Variants in ZNF718 observed in about 807,000 individuals in gnomAD.
The protein encoded by ZNF718 is zinc finger protein 718.
Under a neutral mutation model 2.6 loss-of-function variants are expected in ZNF718, and 3 were observed. The ratio of observed to expected loss-of-function variants is 1.16; its 90% CI spans 0.53 to 3.01. The LOEUF (loss-of-function observed/expected upper bound fraction) is 3.01, where lower values mean the gene tolerates loss of function less well. Ranked by LOEUF, ZNF718 falls within the 30% of genes most tolerant of loss-of-function variation. ZNF718 has a pLI of 0.03. For synonymous variants in ZNF718, 135 were observed against 77.9 expected, an observed-to-expected ratio of 1.73 and a Z score of -3.86; for missense variants, 468 against 230.0, an observed-to-expected ratio of 2.03 and a Z score of -6.69.
chr4:136,299 G>T, intron 3 of ZNF718: 1 of 500,658 alleles, frequency 2.0e-6, no homozygotes, highest in East Asian at 5.5e-5. Flanking sequence ...CTGTGGCTGT[G>T]AGGGCTAGAA....
chr4:133,177 TAAAAAAAAA>T (rs1189716766), intron 3 of ZNF718, among the ~76,000 whole-genome samples: 2 of 12,536 alleles, frequency 1.6e-4, no homozygotes, highest in African/African-American at 5.6e-4. Context: ...GACTCCATCT[TAAAAAAAAA>T]AAAAAAAAAA....
At chr4:172,244 C>T (rs1260662023) in intron 3 of ZNF718, among the ~76,000 whole-genome samples, 2 of 152,162 alleles carry the variant, frequency 1.3e-5, no homozygotes, top group African/African-American at 4.8e-5. Flanking sequence ...TGGCTTATTT[C>T]ACTTGGCATA....
downstream of ZNF718, among the ~76,000 whole-genome samples, chr4:165,030 A>G (rs1717056603): frequency 6.6e-6 from 1 of 152,204 alleles, no homozygotes; most frequent in African/African-American, 2.4e-5. Flanking sequence ...TTCTGAATTT[A>G]AAGAAGATTT....
intron 3 of ZNF718, among the ~76,000 whole-genome samples, chr4:148,317 C>G (rs1192009847): frequency 2.6e-5 from 4 of 152,002 alleles, no homozygotes; most frequent in African/African-American, 9.7e-5. Flanking sequence ...ACATCAAAAT[C>G]CACCATCAGG....
intron 3 of ZNF718, among the ~76,000 whole-genome samples, chr4:141,563 A>G (rs1553810245): frequency 6.6e-6 from 1 of 152,218 alleles, no homozygotes; most frequent in Non-Finnish European, 1.5e-5. Flanking sequence ...GAAAACATTC[A>G]GAAAGGAGGT....
chr4:135,732 T>TTATATATATATA lies in ZNF718; in HGVS notation c.226+4236_226+4237insATATATATATAT, dbSNP rs1303050207. Among the ~76,000 whole-genome samples, 740 of 77,616 alleles carry TTATATATATATA rather than the reference T, an allele frequency of 9.5e-3. 59 individuals carry two copies. Among genetic ancestry groups the TTATATATATATA allele is most frequent in the Non-Finnish European group, 0.015 (587 of 38,406 alleles). 50.9% of individuals were successfully genotyped at this position (77,616 alleles called of 152,430 possible). A position where few individuals can be genotyped will look rare whatever the true frequency, so the allele number is the denominator to read the frequency against. ...GAGTTTTTGTTCATTTACTCTAGAG[T>TTATATATATATA]TATATATATGTGCATGATTATATAA... is the stretch of plus-strand genomic sequence containing the variant. On this transcript the variant is annotated intron_variant, in intron 3 of 3. Transcript: ENST00000510175.
chr4:188,693 C>A (rs1293444372), intron 3 of ZNF718, among the ~76,000 whole-genome samples: 1 of 152,140 alleles, frequency 6.6e-6, no homozygotes, highest in Non-Finnish European at 1.5e-5. Flanking sequence ...GGCCCAAGGC[C>A]CTGGTCAAGT....
chr4:139,424 CAT>C (rs1331679217), intron 3 of ZNF718, among the ~76,000 whole-genome samples: 4 of 152,156 alleles, frequency 2.6e-5, no homozygotes, highest in Non-Finnish European at 4.4e-5. Flanking sequence ...AGGCAGAAAA[CAT>C]AAGACCACTT....
At chr4:151,958 G>C (rs1164339823) in intron 3 of ZNF718, among the ~76,000 whole-genome samples, 1 of 150,190 alleles carries the variant, frequency 6.7e-6, no homozygotes, top group Middle Eastern at 3.4e-3. Flanking sequence ...GATGTGTCAG[G>C]GTCACAAGAC....
chr4:163,562 A>G lies in ZNF718; in HGVS notation c.*1440A>G, dbSNP rs1158491188. The G allele has an allele frequency of 6.6e-6, 1 of 152,196 alleles. No homozygotes were observed. Among genetic ancestry groups the G allele is most frequent in the Non-Finnish European group, 1.5e-5 (1 of 68,046 alleles). 9.4% of individuals were successfully genotyped at this position (152,196 alleles called of 1,614,324 possible). A position where few individuals can be genotyped will look rare whatever the true frequency, so the allele number is the denominator to read the frequency against. On this transcript the variant is annotated 3_prime_UTR_variant, in exon 4 of 4. Transcript: ENST00000510175. ...TGGTTGACTTATCATTGCATGATGC[A>G]TGACGTACATGTTCAGAGTAATATT...
At chr4:153,033 A>ATTTCTC (rs1716400743) in intron 3 of ZNF718, among the ~76,000 whole-genome samples, 1 of 151,676 alleles carries the variant, frequency 6.6e-6, no homozygotes, top group Admixed American at 6.6e-5. Context: ...AAATAGCTTT[A>ATTTCTC]TATGTTTGGG....
chr4:146,215 TA>T (rs1294281335), intron 3 of ZNF718, among the ~76,000 whole-genome samples: 2 of 152,026 alleles, frequency 1.3e-5, no homozygotes, highest in Non-Finnish European at 2.9e-5. Context: ...CTAGTGATTA[TA>T]AATTCCCTCA....
chr4:161,897 T>C lies in ZNF718; in HGVS notation c.1212T>C (p.Phe404=). 1.3e-6 allele frequency: 1 copy of C among 780,252 alleles called. No individual in the cohort carries two copies. Among genetic ancestry groups the C allele is most frequent in the Non-Finnish European group, 2.4e-6 (1 of 417,712 alleles). 48.3% of individuals were successfully genotyped at this position (780,252 alleles called of 1,614,324 possible). A position where few individuals can be genotyped will look rare whatever the true frequency, so the allele number is the denominator to read the frequency against. ...AATGTGAAGATTGTGGCAAAGCCTT[T>C]AAAGTGTTTGCAAACCTGCATAATC... The part of the protein sequence containing the change: ...PYKCEDCGKA[F]KVFANLHNHK... The change falls in exon 4 of 4, where the codon TTT becomes TTC. Residue 404 remains phenylalanine, a synonymous_variant. Transcript: ENST00000510175.
At chr4:180,587 C>T (rs1411821614) in intron 3 of ZNF718, among the ~76,000 whole-genome samples, 1 of 152,186 alleles carries the variant, frequency 6.6e-6, no homozygotes, top group Non-Finnish European at 1.5e-5. Context: ...GGTATTCATT[C>T]ATTTACCAAG....
At chr4:199,415 A>T (rs1717855780) in intron 3 of ZNF718, among the ~76,000 whole-genome samples, 1 of 152,116 alleles carries the variant, frequency 6.6e-6, no homozygotes, top group African/African-American at 2.4e-5. Context: ...TGCCTTCCTA[A>T]GAATGGTATT....
chr4:194,648 C>T (rs1489700163), intron 3 of ZNF718, among the ~76,000 whole-genome samples: 1 of 152,192 alleles, frequency 6.6e-6, no homozygotes, highest in Non-Finnish European at 1.5e-5. Flanking sequence ...AAAGGATTCT[C>T]CTAACCTTTG....
At chr4:201,624 C>A in intron 4 of ZNF718, 1 of 164,598 alleles carries the variant, frequency 6.1e-6, no homozygotes, top group Non-Finnish European at 1.4e-5. Context: ...CTGTTCTCCT[C>A]TCTCTAGAAG....
intron 3 of ZNF718, among the ~76,000 whole-genome samples, chr4:135,126 C>G (rs1204529259): frequency 6.6e-6 from 1 of 151,660 alleles, no homozygotes; most frequent in Non-Finnish European, 1.5e-5. Flanking sequence ...CCTGTAGTCC[C>G]AGCTACTAGG....
At chr4:143,399 GCTGATCTTGAA>G (rs2108788944) in intron 3 of ZNF718, among the ~76,000 whole-genome samples, 1 of 152,248 alleles carries the variant, frequency 6.6e-6, no homozygotes, top group South Asian at 2.1e-4. Flanking sequence ...TTTTGTCCAG[GCTGATCTTGAA>G]CTCCTGACCT....
Sources: allele counts gnomAD v4.1 joint callset (sites outside exome capture counted in the v4.1 genomes callset), GRCh38; gene constraint gnomAD v4.1.1; transcripts MANE v1.5; gene names NCBI Gene and HGNC (gene_info 2026-07-23, HGNC 2026-07-21).